The following SMPDL3A variants were observed in gnomAD, a reference collection of about 807,000 sequenced individuals.
The protein encoded by SMPDL3A is sphingomyelin phosphodiesterase acid like 3A, also known as cyclic GMP-AMP phosphodiesterase SMPDL3A.
Under a neutral mutation model 38.5 loss-of-function variants are expected in SMPDL3A, and 39 were observed. That is an observed-to-expected ratio of 1.01 (90% CI 0.78 to 1.32). The LOEUF is 1.32. Among genes scored for constraint, SMPDL3A ranks in the 40% most tolerant of loss-of-function variants. SMPDL3A has a pLI of 0.00. For synonymous variants in SMPDL3A, 180 were observed against 194.3 expected (o/e 0.93, Z 0.61); for missense variants, 502 against 536.2 (o/e 0.94, Z 0.63).
chr6:122,809,528 C>A lies in SMPDL3A; in HGVS notation c.*120C>A. The stretch of plus-strand genomic sequence containing the variant: ...CAAGTAGACTTCCTGTCTTTGCTTT[C>A]TTTTTTTTTTTCTTTTTGATGCCTT... On this transcript the variant is annotated 3_prime_UTR_variant, in exon 8 of 8. Transcript: ENST00000368440. 1.9e-6 allele frequency: 1 copy of A among 527,578 alleles called. No individual in the cohort carries two copies. Among genetic ancestry groups the A allele is most frequent in the Non-Finnish European group, 3.2e-6 (1 of 310,928 alleles). The allele number at this position is 527,578 out of a possible 1,614,324, so 32.7% of individuals were successfully genotyped here. A position where few individuals can be genotyped will look rare whatever the true frequency, so the allele number is the denominator to read the frequency against.
chr6:122,806,282 G>A lies in SMPDL3A; in HGVS notation c.969G>A (p.Lys323=), dbSNP rs934776273. 1 of 1,613,280 alleles carries A rather than the reference G, an allele frequency of 6.2e-7. No homozygotes were observed. Among genetic ancestry groups the A allele is most frequent in the African/African-American group, 1.3e-5 (1 of 74,916 alleles). ...TGGCTCCTGCTGTTACACCAGTGAA[G>A]AGTGTTTTAGAAAAACAGACCAACA... ...LFVAPAVTPV[K]SVLEKQTNNP... Residue 323 remains lysine (K), a synonymous_variant, in exon 7 of 8, where the codon AAG becomes AAA. Coordinates refer to ENST00000368440, the MANE Select transcript of SMPDL3A (RefSeq NM_006714.5).
chr6:122,793,110 T>A (rs572550601), intron 1 of SMPDL3A, among the ~76,000 whole-genome samples: 8 of 152,208 alleles, frequency 5.3e-5, no homozygotes, highest in Non-Finnish European at 8.8e-5. Flanking sequence ...TACATAATAA[T>A]GAGCTCATAC....
Position 122,809,541 on chromosome 6 carries a change from T to C in SMPDL3A, c.*133T>C. 3 of 630,084 alleles carry C rather than the reference T, an allele frequency of 4.8e-6. No homozygotes were observed. The highest frequency in any genetic ancestry group is 4.2e-5 in the South Asian group (2 of 47,696). The allele number at this position is 630,084 out of a possible 1,614,324, so 39.0% of individuals were successfully genotyped here. A position where few individuals can be genotyped will look rare whatever the true frequency, so the allele number is the denominator to read the frequency against. On this transcript the variant is annotated 3_prime_UTR_variant, in exon 8 of 8. Transcript: ENST00000368440. ...TGTCTTTGCTTTCTTTTTTTTTTTCTTTTTGATGCCTTAATGTAGATATCT... is the reference window on the plus strand; with the variant it reads ...TGTCTTTGCTTTCTTTTTTTTTTTCCTTTTGATGCCTTAATGTAGATATCT...
chr6:122,800,650 G>T (rs1346783680), intron 3 of SMPDL3A, among the ~76,000 whole-genome samples: 6 of 152,152 alleles, frequency 3.9e-5, no homozygotes, highest in African/African-American at 1.2e-4. Context: ...TTGCTTTGAT[G>T]CCCTTTTGTT....
intron 3 of SMPDL3A, among the ~76,000 whole-genome samples, chr6:122,799,962 T>C (rs1173262056): frequency 1.6e-5 from 1 of 61,560 alleles, no homozygotes; most frequent in South Asian, 4.6e-4. Context: ...CAGTATTTAC[T>C]TTTTTTTTTT....
chr6:122,801,379 G>A lies in SMPDL3A; in HGVS notation c.541G>A (p.Glu181Lys), dbSNP rs898339985. ...AAACCTCTGGAAACCATGGCTAGAT[G>A]AAGAAGCTATTAGTACTTTAAGGAA... ...VANLWKPWLD[E>K]EAISTLRKGG... Residue 181 changes from glutamate (E) to lysine (K), a missense_variant, in exon 4 of 8, where the codon GAA (glutamate) becomes AAA (lysine). Transcript: ENST00000368440. 6 of 1,611,728 alleles carry A rather than the reference G, an allele frequency of 3.7e-6. No homozygotes were observed. The African/African-American group carries it at 5.3e-5, about 14-fold the overall frequency.
chr6:122,804,993 T>A lies in SMPDL3A; in HGVS notation c.823T>A (p.Leu275Met). Residue 275 changes from leucine (L) to methionine (M), a missense_variant, in exon 6 of 8, where the codon TTG becomes ATG. Coordinates refer to ENST00000368440, the MANE Select transcript of SMPDL3A (RefSeq NM_006714.5). ...AATGAGAGAATACTATAATGAGAAA[T>A]TGATAGATATTTTTCAAAAATACAG... Reference protein sequence around the residue: ...TAMREYYNEKLIDIFQKYSDV... With the variant: ...TAMREYYNEKMIDIFQKYSDV... 1 of 1,613,246 alleles carries A rather than the reference T, an allele frequency of 6.2e-7. No individual in the cohort carries two copies. The highest frequency in any genetic ancestry group is 8.5e-7 in the Non-Finnish European group (1 of 1,179,762).
intron 4 of SMPDL3A, among the ~76,000 whole-genome samples, chr6:122,801,711 G>A (rs1394678469): frequency 6.6e-6 from 1 of 152,180 alleles, no homozygotes; most frequent in Non-Finnish European, 1.5e-5. Context: ...TTTCTAATTG[G>A]AAAATTGATT....
intron 7 of SMPDL3A, 73 bp from the exon 8 acceptor site, chr6:122,809,018 T>C (rs939506598): frequency 1.7e-6 from 2 of 1,148,002 alleles, no homozygotes; most frequent in East Asian, 4.7e-5. Flanking sequence ...AATTTAAACA[T>C]GAACGCTTCT....
chr6:122,789,419 G>A lies in SMPDL3A; in HGVS notation c.73G>A (p.Val25Met), dbSNP rs1450298291. 1 of 1,549,442 alleles carries A rather than the reference G, an allele frequency of 6.5e-7. No homozygotes were observed. The change falls in exon 1 of 8, where the codon GTG becomes ATG. Residue 25 changes from valine (V) to methionine (M), a missense_variant. Coordinates refer to ENST00000368440, the MANE Select transcript of SMPDL3A (RefSeq NM_006714.5). ...WHCRSGLGLP[V>M]APAGGRNPPP... ...CTGCCGCTCCGGCCTCGGGCTGCCCGTGGCGCCCGCAGGCGGCAGGAATCC... is the reference window on the plus strand; with the variant it reads ...CTGCCGCTCCGGCCTCGGGCTGCCCATGGCGCCCGCAGGCGGCAGGAATCC...
At chr6:122,808,632 T>TTCCTTCCTTCCTTCCC (rs1781734577) in intron 7 of SMPDL3A, among the ~76,000 whole-genome samples, 3 of 82,418 alleles carry the variant, frequency 3.6e-5, no homozygotes, top group African/African-American at 1.7e-4. Flanking sequence ...CCTTCCTTCC[T>TTCCTTCCTTCCTTCCC]TCCTTCCTTC....
At position 122,806,703 on chromosome 6, in the gene SMPDL3A, T is replaced by G. The variant is rs548471568; in HGVS notation, c.1044+346T>G. 3.9e-5 allele frequency among the ~76,000 whole-genome samples: 6 copies of G among 152,154 alleles called. No homozygotes were observed. The South Asian group carries it at 1.2e-3, about 32-fold the overall frequency. On this transcript the variant is annotated intron_variant, in intron 7 of 7. Coordinates refer to ENST00000368440, the MANE Select transcript of SMPDL3A (RefSeq NM_006714.5). The stretch of plus-strand genomic sequence containing the variant: ...TCCAGAATATAAGTATCAAGAAGAG[T>G]GTAGGCTCTGTTACCATTCCCTCTC...
At chr6:122,799,961 CTTTTTTTTTT>C (rs112956534) in intron 3 of SMPDL3A, among the ~76,000 whole-genome samples, 90 of 124,532 alleles carry the variant, frequency 7.2e-4, no homozygotes, top group African/African-American at 2.5e-3. Context: ...TCAGTATTTA[CTTTTTTTTTT>C]TTTTTTTTTT....
At position 122,809,373 on chromosome 6, in the gene SMPDL3A, T is replaced by C; in HGVS notation, c.1327T>C (p.Cys443Arg). Residue 443 changes from cysteine (C) to arginine (R), a missense_variant, in exon 8 of 8, where the codon TGC becomes CGC. Coordinates refer to ENST00000368440, the MANE Select transcript of SMPDL3A (RefSeq NM_006714.5). ...TCTTGATAATATTTCCTATGCAGAT[T>C]GCCTCAAACAGCTTTATATAAAGCA... ...MNLDNISYAD[C>R]LKQLYIKHNY 2.0e-5 allele frequency: 32 copies of C among 1,613,764 alleles called. No homozygotes were observed. The highest frequency in any genetic ancestry group is 2.7e-5 in the Non-Finnish European group (32 of 1,179,832).
Position 122,794,386 on chromosome 6 carries a change from A to G in SMPDL3A, c.113-1291A>G, listed in dbSNP as rs144318662. On this transcript the variant is annotated intron_variant, in intron 1 of 7. Coordinates refer to ENST00000368440, the MANE Select transcript of SMPDL3A (RefSeq NM_006714.5). ...GCTGGGGCGGGCACATCACGAGGTC[A>G]GGAAATCGAGACCATCCTGGCTAAC... 6.7e-3 allele frequency among the ~76,000 whole-genome samples: 1,025 copies of G among 152,226 alleles called. 15 individuals carry two copies. Among genetic ancestry groups the G allele is most frequent in the African/African-American group, 0.023 (973 of 41,528 alleles).
In SMPDL3A at chr6:122,795,675, A is replaced by G. The variant is rs1781222264; in HGVS notation, c.113-2A>G. On this transcript the variant is annotated splice_acceptor_variant, in intron 1 of 7. Transcript: ENST00000368440. LOFTEE classifies it high-confidence loss of function. Reference sequence around the variant, plus strand: ...TATCTGCATTTTTTGTGTAATCAACAGGACAGTTTTGGCATGTGACTGACT... The same window carrying G: ...TATCTGCATTTTTTGTGTAATCAACGGGACAGTTTTGGCATGTGACTGACT... The G allele has an allele frequency of 1.2e-6, 2 of 1,610,600 alleles. No homozygotes were observed. Among genetic ancestry groups the G allele is most frequent in the Admixed American group, 3.3e-5 (2 of 59,722 alleles).
intron 7 of SMPDL3A, among the ~76,000 whole-genome samples, chr6:122,808,122 A>G (rs1347231158): frequency 1.3e-5 from 2 of 152,200 alleles, no homozygotes; most frequent in Admixed American, 6.5e-5. Context: ...ACACAACAAC[A>G]TATATAGTAA....
chr6:122,789,294 C>A lies in SMPDL3A; in HGVS notation c.-53C>A. ...CCGCCTCACCCTCAGGCCTGACGGT[C>A]CGAGTGGAGCTGCGGGACAGCCCGA... On this transcript the variant is annotated 5_prime_UTR_variant, in exon 1 of 8. Transcript: ENST00000368440. The A allele has an allele frequency of 7.6e-7, 1 of 1,316,168 alleles. No individual in the cohort carries two copies. Among genetic ancestry groups the A allele is most frequent in the South Asian group, 1.3e-5 (1 of 76,930 alleles). 81.5% of individuals were successfully genotyped at this position (1,316,168 alleles called of 1,614,324 possible). A position where few individuals can be genotyped will look rare whatever the true frequency, so the allele number is the denominator to read the frequency against.
At chr6:122,795,180 C>T (rs918114255) in intron 1 of SMPDL3A, among the ~76,000 whole-genome samples, 2 of 151,998 alleles carry the variant, frequency 1.3e-5, no homozygotes, top group African/African-American at 4.8e-5. Context: ...CTTGCTCTGT[C>T]GCCCAGGCTG....
Sources: allele counts gnomAD v4.1 joint callset (sites outside exome capture counted in the v4.1 genomes callset), GRCh38; gene constraint gnomAD v4.1.1; transcripts MANE v1.5; gene names NCBI Gene and HGNC (gene_info 2026-07-23, HGNC 2026-07-21).